Variants in PDE1A observed in about 807,000 individuals in gnomAD.
PDE1A encodes the protein dual specificity calcium/calmodulin-dependent 3',5'-cyclic nucleotide phosphodiesterase 1A.
A neutral mutation model predicts 61.7 loss-of-function variants in PDE1A; 35 were observed. The observed-to-expected ratio is 0.57, with a 90% confidence interval of 0.43 to 0.75. The LOEUF (loss-of-function observed/expected upper bound fraction) is 0.75. Among genes scored for constraint, PDE1A ranks in the 30% least tolerant of loss-of-function variants. The pLI, the probability that PDE1A is intolerant of heterozygous loss-of-function variation, is 0.00. For missense variants in PDE1A, 597 were observed against 630.6 expected (o/e 0.95, Z 0.57); for synonymous variants, 232 against 213.2 (o/e 1.09, Z -0.77).
chr2:182,679,838 C>A, the PDE1A span, among the ~76,000 whole-genome samples: 1 of 151,898 alleles, frequency 6.6e-6, no homozygotes, highest in Non-Finnish European at 1.5e-5. Flanking sequence ...TTCTAAAGTG[C>A]ATATGGAAAG....
chr2:182,524,745 T>A (rs1258854608), upstream of PDE1A, among the ~76,000 whole-genome samples: 18 of 152,016 alleles, frequency 1.2e-4, no homozygotes, highest in South Asian at 6.2e-4. Flanking sequence ...TACAAAAAAA[T>A]TCAATATAAG....
At chr2:182,531,185 C>T in the PDE1A span, among the ~76,000 whole-genome samples, 1 of 150,780 alleles carries the variant, frequency 6.6e-6, no homozygotes, top group African/African-American at 2.4e-5. Context: ...AAAAAAAGTG[C>T]TCAAGTAACC....
At chr2:182,597,575 G>A in the PDE1A span, among the ~76,000 whole-genome samples, 3 of 152,028 alleles carry the variant, frequency 2.0e-5, no homozygotes, top group African/African-American at 7.3e-5. Flanking sequence ...AGAATACAGG[G>A]GTAGAGAGAC....
intron 1 of PDE1A, among the ~76,000 whole-genome samples, chr2:182,349,031 G>A (rs964749258): frequency 2.0e-5 from 3 of 152,112 alleles, no homozygotes; most frequent in Admixed American, 6.6e-5. Flanking sequence ...TAAGGATCTA[G>A]GTAGAATAAA....
intron 1 of PDE1A, among the ~76,000 whole-genome samples, chr2:182,264,649 G>A (rs1429481491): frequency 3.3e-5 from 5 of 151,358 alleles, no homozygotes; most frequent in African/African-American, 1.2e-4. Context: ...TGGGTAGCTA[G>A]TTTAAGTATA....
intron 7 of PDE1A, 57 bp downstream of exon 7, chr2:182,223,807 G>T: frequency 1.0e-6 from 1 of 955,594 alleles, no homozygotes; most frequent in Non-Finnish European, 1.6e-6. Context: ...TAAGTGATAT[G>T]CAGAAAAATA....
At chr2:182,442,162 G>A (rs958129159) in intron 2 of PDE1A, among the ~76,000 whole-genome samples, 2 of 152,026 alleles carry the variant, frequency 1.3e-5, no homozygotes, top group African/African-American at 4.8e-5. Context: ...GATTAATTAT[G>A]TGCCTCCTGA....
intron 2 of PDE1A, among the ~76,000 whole-genome samples, chr2:182,475,387 T>C (rs1403515545): frequency 6.6e-6 from 1 of 151,934 alleles, no homozygotes; most frequent in Non-Finnish European, 1.5e-5. Flanking sequence ...CCCATTCCTC[T>C]GCCCAAACTC....
chr2:182,477,814 C>T (rs556217693), intron 2 of PDE1A, among the ~76,000 whole-genome samples: 2 of 152,040 alleles, frequency 1.3e-5, no homozygotes, highest in South Asian at 4.1e-4. Flanking sequence ...GCCCAGAGCC[C>T]TTTCATGCTT....
chr2:182,426,101 G>C (rs916036090), intron 1 of PDE1A, among the ~76,000 whole-genome samples: 2 of 152,114 alleles, frequency 1.3e-5, no homozygotes, highest in Non-Finnish European at 2.9e-5. Context: ...CTGCTGGTCT[G>C]ATATTCCTGA....
the PDE1A span, among the ~76,000 whole-genome samples, chr2:182,535,212 T>C: frequency 1.3e-5 from 2 of 152,054 alleles, no homozygotes; most frequent in Non-Finnish European, 2.9e-5. Context: ...TAATAGATAC[T>C]ATTTTGAAGT....
chr2:182,599,378 A>G, the PDE1A span, among the ~76,000 whole-genome samples: 1 of 152,192 alleles, frequency 6.6e-6, no homozygotes, highest in African/African-American at 2.4e-5. Context: ...GCTCATCTGC[A>G]AAAGCAAGAC....
intron 2 of PDE1A, among the ~76,000 whole-genome samples, chr2:182,444,903 T>C (rs555602359): frequency 6.6e-6 from 1 of 152,238 alleles, no homozygotes; most frequent in South Asian, 2.1e-4. Flanking sequence ...GTGGAAAAGA[T>C]AGCTAATCCT....
At chr2:182,614,160 T>C in the PDE1A span, among the ~76,000 whole-genome samples, 1 of 152,234 alleles carries the variant, frequency 6.6e-6, no homozygotes, top group Non-Finnish European at 1.5e-5. Flanking sequence ...TGATAGAACC[T>C]ACATACTTAT....
At chr2:182,164,114 C>A (rs1181807088), downstream of PDE1A, among the ~76,000 whole-genome samples, 2 of 152,058 alleles carry the variant, frequency 1.3e-5, no homozygotes, top group Admixed American at 1.3e-4. Context: ...TTATTTGGCC[C>A]ATTAAGCCAT....
chr2:182,704,225 A>C, the PDE1A span, among the ~76,000 whole-genome samples: 3 of 146,328 alleles, frequency 2.1e-5, no homozygotes, highest in Non-Finnish European at 3.0e-5. Context: ...AAAAAAAAAA[A>C]CAAAAAAAAA....
chr2:182,387,123 A>C (rs1159475535), intron 1 of PDE1A, among the ~76,000 whole-genome samples: 1 of 152,092 alleles, frequency 6.6e-6, no homozygotes, highest in African/African-American at 2.4e-5. Context: ...CTTACCCCCA[A>C]CCCTGTGCTC....
At chr2:182,429,582 C>T (rs1559455412), upstream of PDE1A, among the ~76,000 whole-genome samples, 1 of 152,040 alleles carries the variant, frequency 6.6e-6, no homozygotes, top group Non-Finnish European at 1.5e-5. Context: ...TAGAAATCGT[C>T]CTAACTGGTG....
chr2:182,212,451 TC>T (rs572815273), intron 7 of PDE1A, among the ~76,000 whole-genome samples: 111 of 152,258 alleles, frequency 7.3e-4, no homozygotes, highest in African/African-American at 2.6e-3. Flanking sequence ...GGTCTACAGC[TC>T]CCAGCGTGAG....
Sources: gnomAD v4.1 joint callset for allele counts (sites outside exome capture counted in the v4.1 genomes callset) on GRCh38, gnomAD v4.1.1 for gene constraint, MANE v1.5 for transcripts, NCBI Gene and HGNC (gene_info 2026-07-23, HGNC 2026-07-21) for gene names.